The following IL1RAPL1 variants were observed in gnomAD, a reference collection of about 807,000 sequenced individuals.
IL1RAPL1 encodes interleukin 1 receptor accessory protein like 1.
In IL1RAPL1, 3 loss-of-function variants were observed where a neutral mutation model predicts 48.4. That is an observed-to-expected ratio of 0.06 (90% CI 0.03 to 0.16). The LOEUF (loss-of-function observed/expected upper bound fraction) is 0.16. Ranked by LOEUF, IL1RAPL1 falls within the 10% of genes least tolerant of loss-of-function variation. The pLI is 1.00. For missense variants in IL1RAPL1, 349 were observed against 530.6 expected (o/e 0.66, Z 3.36); for synonymous variants, 185 against 187.7 (o/e 0.99, Z 0.12).
In IL1RAPL1 at chrX:29,935,093, A is replaced by AT. The variant is rs779291437; in HGVS notation, c.1058-6550dup. On this transcript the variant is annotated intron_variant, in intron 8 of 10. Coordinates refer to ENST00000378993, the MANE Select transcript of IL1RAPL1 (RefSeq NM_014271.4). The stretch of plus-strand genomic sequence containing the variant: ...GTTTGGATTGGCTGGACATTTCCTT[A>AT]TTTTTTTTGGATGTTTATGTGTTTC... Among the ~76,000 whole-genome samples, 10 of 108,050 alleles carry AT rather than the reference A, an allele frequency of 9.3e-5. No individual in the cohort carries two copies. The East Asian group carries it at 1.2e-3, about 13-fold the overall frequency. 93.8% of individuals were successfully genotyped at this position (108,050 alleles called of 115,157 possible). A position where few individuals can be genotyped will look rare whatever the true frequency, so the allele number is the denominator to read the frequency against.
intron 5 of IL1RAPL1, among the ~76,000 whole-genome samples, chrX:29,502,253 T>A (rs1935283201): frequency 9.0e-6 from 1 of 111,433 alleles, no homozygotes; most frequent in Admixed American, 9.5e-5. Context: ...TATAAGATCA[T>A]ATTGCTTGCA....
At chrX:29,802,842 CAT>C (rs202123861) in intron 6 of IL1RAPL1, among the ~76,000 whole-genome samples, 6 of 30,200 alleles carry the variant, frequency 2.0e-4, no homozygotes, top group African/African-American at 5.7e-4. Flanking sequence ...TATATGTATA[CAT>C]ATATGTGTAT....
chrX:29,168,755 A>G (rs376723313), intron 2 of IL1RAPL1, among the ~76,000 whole-genome samples: 1,322 of 79,622 alleles, frequency 0.017, no homozygotes, highest in Non-Finnish European at 0.027. Context: ...AATTGTATAT[A>G]TATATTCATA....
intron 1 of IL1RAPL1, among the ~76,000 whole-genome samples, chrX:28,592,452 G>A (rs1261988039): frequency 9.0e-6 from 1 of 111,409 alleles, no homozygotes; most frequent in East Asian, 2.8e-4. Flanking sequence ...AAAGATACCC[G>A]GTCTGTTTGG....
intron 6 of IL1RAPL1, among the ~76,000 whole-genome samples, chrX:29,915,546 A>G (rs1932791106): frequency 9.0e-6 from 1 of 110,873 alleles, no homozygotes; most frequent in South Asian, 3.8e-4. Context: ...ATTACATGTA[A>G]GTGCATTCTG....
At chrX:28,959,504 A>G (rs772934498) in intron 2 of IL1RAPL1, among the ~76,000 whole-genome samples, 3 of 111,974 alleles carry the variant, frequency 2.7e-5, no homozygotes, top group Admixed American at 1.9e-4. Context: ...GCCTTTGCCA[A>G]TTTGGTAGGT....
intron 5 of IL1RAPL1, among the ~76,000 whole-genome samples, chrX:29,641,540 T>C (rs1397106388): frequency 8.9e-6 from 1 of 112,198 alleles, no homozygotes; most frequent in Non-Finnish European, 1.9e-5. Context: ...TTATAAAATA[T>C]AGCACTGCTC....
intron 6 of IL1RAPL1, among the ~76,000 whole-genome samples, chrX:29,702,009 C>G (rs1244739787): frequency 9.0e-6 from 1 of 111,521 alleles, no homozygotes; most frequent in African/African-American, 3.3e-5. Flanking sequence ...AATCCCAGCA[C>G]TTTGGGAGGC....
chrX:28,853,949 T>C (rs992133055), intron 2 of IL1RAPL1, among the ~76,000 whole-genome samples: 1 of 111,507 alleles, frequency 9.0e-6, no homozygotes, highest in Non-Finnish European at 1.9e-5. Context: ...GAGGTTTTCA[T>C]TGAGTAGGCA....
intron 1 of IL1RAPL1, among the ~76,000 whole-genome samples, chrX:28,624,858 C>A (rs1472636954): frequency 8.9e-6 from 1 of 112,021 alleles, no homozygotes; most frequent in African/African-American, 3.2e-5. Flanking sequence ...AATATGAATA[C>A]CCTATTTAAG....
intron 2 of IL1RAPL1, among the ~76,000 whole-genome samples, chrX:29,172,037 G>A (rs774845446): frequency 4.5e-4 from 50 of 112,239 alleles, no homozygotes; most frequent in African/African-American, 1.6e-3. Context: ...ATAACCCAAG[G>A]TATTTTGAAC....
chrX:28,650,317 C>T (rs1171239320), intron 1 of IL1RAPL1, among the ~76,000 whole-genome samples: 1 of 111,518 alleles, frequency 9.0e-6, no homozygotes, highest in Non-Finnish European at 1.9e-5. Flanking sequence ...CACAGTTCCA[C>T]ATGGCTGGGG....
chrX:29,646,713 A>C (rs184839673), intron 5 of IL1RAPL1, among the ~76,000 whole-genome samples: 2 of 108,903 alleles, frequency 1.8e-5, no homozygotes, highest in Non-Finnish European at 3.8e-5. Context: ...CACAGCAAGA[A>C]AAAAAAAAAG....
intron 2 of IL1RAPL1, among the ~76,000 whole-genome samples, chrX:29,027,956 T>C (rs1926524322): frequency 9.1e-6 from 1 of 109,325 alleles, no homozygotes; most frequent in Non-Finnish European, 1.9e-5. Flanking sequence ...GTGTATATTA[T>C]ATATATATAA....
intron 5 of IL1RAPL1, among the ~76,000 whole-genome samples, chrX:29,499,472 T>A (rs1935249463): frequency 9.0e-6 from 1 of 111,712 alleles, no homozygotes; most frequent in South Asian, 3.8e-4. Flanking sequence ...TCATTTTGGA[T>A]CCCCTCCTAG....
intron 2 of IL1RAPL1, among the ~76,000 whole-genome samples, chrX:28,868,128 A>G (rs1922122169): frequency 9.0e-6 from 1 of 111,556 alleles, no homozygotes; most frequent in Non-Finnish European, 1.9e-5. Context: ...AAAGTAAACA[A>G]TGACATACTC....
intron 2 of IL1RAPL1, among the ~76,000 whole-genome samples, chrX:29,207,807 G>A (rs939008220): frequency 3.6e-5 from 4 of 112,113 alleles, no homozygotes; most frequent in African/African-American, 1.3e-4. Flanking sequence ...ACTAAATTAT[G>A]TTACAAATGA....
intron 5 of IL1RAPL1, among the ~76,000 whole-genome samples, chrX:29,483,693 T>TAG (rs1491588436): frequency 5.0e-5 from 2 of 40,316 alleles, no homozygotes; most frequent in African/African-American, 1.3e-4. Flanking sequence ...GTAGTAGTAG[T>TAG]TTTTTTTTTT....
intron 2 of IL1RAPL1, among the ~76,000 whole-genome samples, chrX:28,966,477 G>A (rs1323992495): frequency 9.0e-6 from 1 of 111,687 alleles, no homozygotes; most frequent in Non-Finnish European, 1.9e-5. Context: ...AATAGTCAGT[G>A]ATTTTGCTTC....
Sources: allele counts gnomAD v4.1 joint callset (sites outside exome capture counted in the v4.1 genomes callset), GRCh38; gene constraint gnomAD v4.1.1; transcripts MANE v1.5; gene names NCBI Gene and HGNC (gene_info 2026-07-23, HGNC 2026-07-21).